The following CCDC171 variants were observed in gnomAD, a reference collection of about 807,000 sequenced individuals.
The protein encoded by CCDC171 is coiled-coil domain-containing protein 171.
Under a neutral mutation model 168.2 loss-of-function variants are expected in CCDC171, and 177 were observed. That is an observed-to-expected ratio of 1.05 (90% CI 0.93 to 1.19). The LOEUF (loss-of-function observed/expected upper bound fraction) is 1.19. CCDC171 is among the 50% of genes most tolerant of loss of function. CCDC171 has a pLI of 0.00. For synonymous variants in CCDC171, 687 were observed against 540.8 expected, an observed-to-expected ratio of 1.27 and a Z score of -3.75; for missense variants, 1,991 against 1,539.0, an observed-to-expected ratio of 1.29 and a Z score of -4.91.
intron 21 of CCDC171, among the ~76,000 whole-genome samples, chr9:15,812,296 A>G (rs546587443): frequency 2.6e-5 from 4 of 152,312 alleles, no homozygotes; most frequent in Admixed American, 6.5e-5. Flanking sequence ...TGCTATGCCT[A>G]TTGCACACTC....
the CCDC171 span, among the ~76,000 whole-genome samples, chr9:16,099,643 A>G: frequency 1.3e-5 from 2 of 152,180 alleles, no homozygotes; most frequent in South Asian, 2.1e-4. Context: ...GGGGCATCCA[A>G]ACTCCCATGA....
intron 7 of CCDC171, among the ~76,000 whole-genome samples, 164 bp from the exon 8 acceptor site, chr9:15,656,963 A>G (rs895715255): frequency 3.9e-5 from 6 of 152,110 alleles, no homozygotes; most frequent in Non-Finnish European, 8.8e-5. Flanking sequence ...CTCTGGAAGC[A>G]TTCTTCCTGA....
intron 16 of CCDC171, among the ~76,000 whole-genome samples, chr9:15,736,075 C>T (rs954337434): frequency 2.6e-5 from 4 of 151,964 alleles, no homozygotes; most frequent in African/African-American, 9.7e-5. Flanking sequence ...GAGGTTCAGA[C>T]AACTGATACT....
intron 3 of CCDC171, among the ~76,000 whole-genome samples, chr9:15,572,132 A>G (rs1309975782): frequency 6.6e-6 from 1 of 152,122 alleles, no homozygotes; most frequent in Non-Finnish European, 1.5e-5. Context: ...TTGAGTATGG[A>G]ATTTTTAATC....
At chr9:15,699,577 G>C (rs142077044) in intron 11 of CCDC171, among the ~76,000 whole-genome samples, 2 of 152,202 alleles carry the variant, frequency 1.3e-5, no homozygotes. Context: ...GGTTCTCCAC[G>C]TCCCCACCAG....
Position 15,971,689 on chromosome 9 carries a change from C to T in CCDC171, c.3834C>T (p.Phe1278=), listed in dbSNP as rs756316927. 1.9e-6 allele frequency: 3 copies of T among 1,613,830 alleles called. No individual in the cohort carries two copies. Among genetic ancestry groups the T allele is most frequent in the African/African-American group, 1.3e-5 (1 of 75,016 alleles). ...CTGACACAACTGGTATTGGGGATTT[C>T]TTACCATTGAAAGCTGAACTTGATA... ...LPADTTGIGD[F]LPLKAELDTT... is the part of the protein sequence containing the mutation. Residue 1278 remains phenylalanine (F), a synonymous_variant, in exon 26 of 26, where the codon TTC becomes TTT. Transcript: ENST00000380701.
chr9:16,094,807 A>G, the CCDC171 span, among the ~76,000 whole-genome samples: 1 of 152,248 alleles, frequency 6.6e-6, no homozygotes. Flanking sequence ...ATTAGAAAGC[A>G]GTGTGATAGA....
At chr9:15,586,640 C>T (rs2041584545) in intron 4 of CCDC171, among the ~76,000 whole-genome samples, 3 of 152,062 alleles carry the variant, frequency 2.0e-5, no homozygotes, top group African/African-American at 7.2e-5. Context: ...AGATTTCCTT[C>T]CAAGAGCATG....
At chr9:15,609,213 C>T (rs1397406646) in intron 6 of CCDC171, among the ~76,000 whole-genome samples, 2 of 151,882 alleles carry the variant, frequency 1.3e-5, no homozygotes, top group East Asian at 1.9e-4. Context: ...GATTCTCCTG[C>T]CTCAGCCTCC....
chr9:15,569,974 C>CT (rs1317731704), intron 2 of CCDC171, among the ~76,000 whole-genome samples: 1 of 146,340 alleles, frequency 6.8e-6, no homozygotes, highest in Non-Finnish European at 1.5e-5. Context: ...TTTTCTTTTT[C>CT]TTTTCTTTTT....
chr9:15,903,931 G>T (rs993347715), intron 24 of CCDC171, among the ~76,000 whole-genome samples: 6 of 152,110 alleles, frequency 3.9e-5, no homozygotes, highest in African/African-American at 1.4e-4. Context: ...TATCAGTGAT[G>T]GAAGATCAAA....
At chr9:15,988,642 C>T (rs1191487191) in intron 3 of CCDC171, among the ~76,000 whole-genome samples, 2 of 152,178 alleles carry the variant, frequency 1.3e-5, no homozygotes, top group Admixed American at 6.5e-5. Context: ...TCGCCTCACC[C>T]GGGAAGCACA....
chr9:15,991,512 T>G (rs569924319), intron 3 of CCDC171, among the ~76,000 whole-genome samples: 4 of 150,914 alleles, frequency 2.7e-5, no homozygotes, highest in African/African-American at 9.9e-5. Flanking sequence ...ACATCACAAT[T>G]AAAAGAACTA....
intron 8 of CCDC171, among the ~76,000 whole-genome samples, chr9:15,659,641 C>G (rs1169270674): frequency 1.3e-5 from 2 of 152,248 alleles, no homozygotes; most frequent in African/African-American, 4.8e-5. Flanking sequence ...AATATATGCA[C>G]TTATTTCCAG....
intron 19 of CCDC171, among the ~76,000 whole-genome samples, chr9:15,778,709 T>C (rs1362126027): frequency 1.3e-5 from 2 of 150,634 alleles, no homozygotes; most frequent in African/African-American, 2.4e-5. Flanking sequence ...ATAAATGCAC[T>C]GCAACAGAAT....
intron 25 of CCDC171, among the ~76,000 whole-genome samples, chr9:15,958,434 T>C (rs553337457): frequency 6.6e-6 from 1 of 151,578 alleles, no homozygotes; most frequent in South Asian, 2.1e-4. Context: ...TATTGAATAG[T>C]GCAGGTCTAA....
chr9:15,589,154 C>G (rs767382514), intron 4 of CCDC171, among the ~76,000 whole-genome samples: 5 of 152,180 alleles, frequency 3.3e-5, no homozygotes, highest in Non-Finnish European at 5.9e-5. Flanking sequence ...GAGACTTCTT[C>G]TTGGCTTCCA....
At chr9:15,774,246 TA>T (rs56239417) in intron 18 of CCDC171, among the ~76,000 whole-genome samples, 62 of 38,010 alleles carry the variant, frequency 1.6e-3, no homozygotes, top group African/African-American at 4.5e-3. Flanking sequence ...ACGCTGTCTT[TA>T]AAAAAAAAAA....
At chr9:16,070,439 T>C in the CCDC171 span, among the ~76,000 whole-genome samples, 312 of 152,324 alleles carry the variant, frequency 2.0e-3, 1 homozygote, top group African/African-American at 7.4e-3. Context: ...GCTCTCACAT[T>C]ACGAGCTCCC....
Sources: allele counts gnomAD v4.1 joint callset (sites outside exome capture counted in the v4.1 genomes callset), GRCh38; gene constraint gnomAD v4.1.1; transcripts MANE v1.5; gene names NCBI Gene and HGNC (gene_info 2026-07-23, HGNC 2026-07-21).